NCALD: variants seen among roughly 807,000 people sequenced by gnomAD.
NCALD encodes the protein neurocalcin-delta.
NCALD carries 10 observed loss-of-function variants against 18.6 expected under a neutral mutation model. The observed-to-expected ratio is 0.54, with a 90% CI of 0.33 to 0.91. The LOEUF (loss-of-function observed/expected upper bound fraction) is 0.91, where lower values mean the gene tolerates loss of function less well. Among genes scored for constraint, NCALD ranks in the 40% least tolerant of loss-of-function variants. The pLI is 0.03. For synonymous variants in NCALD, 88 were observed against 87.4 expected (o/e 1.01, Z -0.04); for missense variants, 184 against 247.6 (o/e 0.74, Z 1.72).
chr8:101,943,746 C>A (rs1373888383), intron 2 of NCALD, among the ~76,000 whole-genome samples: 1 of 152,024 alleles, frequency 6.6e-6, no homozygotes, highest in Non-Finnish European at 1.5e-5. Context: ...CGAGACCATC[C>A]TGGCTAACAT....
intron 1 of NCALD, among the ~76,000 whole-genome samples, chr8:101,741,879 G>A (rs1421433676): frequency 7.2e-6 from 1 of 138,096 alleles, no homozygotes; most frequent in Non-Finnish European, 1.5e-5. Context: ...CAAGGCTGCA[G>A]CAAGCCATGA....
intron 1 of NCALD, chr8:101,721,486 G>C (rs542136612): frequency 1.3e-5 from 2 of 152,178 alleles, no homozygotes; most frequent in African/African-American, 4.8e-5. Context: ...CCAGAAGCAC[G>C]GGGGCTTGGT....
At chr8:101,797,309 C>T (rs1038298789) in intron 4 of NCALD, among the ~76,000 whole-genome samples, 1 of 152,086 alleles carries the variant, frequency 6.6e-6, no homozygotes, top group African/African-American at 2.4e-5. Flanking sequence ...AAAATCACAC[C>T]TAGAAACCTC....
intron 1 of NCALD, among the ~76,000 whole-genome samples, chr8:101,762,633 G>A (rs184099911): frequency 5.6e-4 from 84 of 151,014 alleles, no homozygotes; most frequent in Middle Eastern, 3.4e-3. Flanking sequence ...GGAGTACAGC[G>A]GTGTGATATC....
intron 2 of NCALD, among the ~76,000 whole-genome samples, chr8:101,955,386 G>A (rs897794039): frequency 1.3e-5 from 2 of 152,136 alleles, no homozygotes; most frequent in Non-Finnish European, 1.5e-5. Flanking sequence ...CTATCTTGGA[G>A]CCTAGAACAA....
intron 3 of NCALD, chr8:101,691,840 G>C: frequency 4.1e-6 from 4 of 985,394 alleles, no homozygotes; most frequent in South Asian, 9.4e-5. Flanking sequence ...CCAGGTGGGG[G>C]ACCCAAGTGC....
At chr8:102,106,243 T>G (rs1326219984) in intron 1 of NCALD, among the ~76,000 whole-genome samples, 2 of 150,800 alleles carry the variant, frequency 1.3e-5, no homozygotes, top group Non-Finnish European at 3.0e-5. Flanking sequence ...CTAATTTTTT[T>G]GGTATTTTTA....
intron 1 of NCALD, among the ~76,000 whole-genome samples, chr8:102,121,723 T>C (rs991259692): frequency 2.0e-5 from 3 of 152,208 alleles, no homozygotes; most frequent in East Asian, 1.9e-4. Flanking sequence ...CATTTCTTCA[T>C]TGTTAGTCTG....
At chr8:102,087,057 A>T (rs1455253374) in intron 1 of NCALD, among the ~76,000 whole-genome samples, 3 of 152,198 alleles carry the variant, frequency 2.0e-5, no homozygotes, top group Non-Finnish European at 4.4e-5. Flanking sequence ...AACCATAAAA[A>T]TGGGCAACCA....
chr8:102,044,108 A>T lies in NCALD; in HGVS notation c.-209-23819T>A, dbSNP rs1192861243. Among the ~76,000 whole-genome samples, 3 of 152,104 alleles carry T rather than the reference A, an allele frequency of 2.0e-5. No homozygotes were observed. The East Asian group carries it at 5.8e-4, about 29-fold the overall frequency. ...GCCAGTGATGACCTTCATTTTAAGC[A>T]GAATATGTTAAAACAACACTTGAAA... is the stretch of plus-strand genomic sequence containing the variant. On this transcript the variant is annotated intron_variant, in intron 1 of 6. Transcript: ENST00000311028.
chr8:102,022,951 C>T (rs962466266), intron 1 of NCALD, among the ~76,000 whole-genome samples: 3 of 152,124 alleles, frequency 2.0e-5, no homozygotes, highest in African/African-American at 7.2e-5. Context: ...CTTGACTGGG[C>T]CAGTGCTCCA....
intron 4 of NCALD, among the ~76,000 whole-genome samples, chr8:101,836,851 G>A (rs1050378442): frequency 1.6e-4 from 25 of 152,186 alleles, no homozygotes; most frequent in African/African-American, 5.8e-4. Flanking sequence ...AAGTTTTTAT[G>A]TTAGTCTCAT....
chr8:102,021,419 A>T (rs753690515), intron 1 of NCALD, among the ~76,000 whole-genome samples: 74 of 152,244 alleles, frequency 4.9e-4, no homozygotes, highest in Non-Finnish European at 4.0e-4. Flanking sequence ...ATACAATGCT[A>T]AGACTTAAAA....
At chr8:102,106,105 T>C (rs1256157660) in intron 1 of NCALD, among the ~76,000 whole-genome samples, 7 of 151,468 alleles carry the variant, frequency 4.6e-5, no homozygotes, top group Admixed American at 4.6e-4. Flanking sequence ...AGTTTCACGC[T>C]GTCAACCAGG....
At chr8:101,840,130 C>T (rs76563520) in intron 4 of NCALD, among the ~76,000 whole-genome samples, 3,168 of 146,672 alleles carry the variant, frequency 0.022, 86 homozygotes, top group African/African-American at 0.072. Flanking sequence ...AAAAAAAAAA[C>T]ACAGCTGAAG....
chr8:101,779,760 C>T (rs1450792417), intron 1 of NCALD, among the ~76,000 whole-genome samples: 3 of 152,094 alleles, frequency 2.0e-5, no homozygotes, highest in African/African-American at 7.2e-5. Flanking sequence ...TGATTATCTG[C>T]AGTCTTTTCT....
intron 2 of NCALD, among the ~76,000 whole-genome samples, chr8:101,917,391 T>C (rs1014281930): frequency 1.3e-5 from 2 of 151,876 alleles, no homozygotes; most frequent in African/African-American, 4.8e-5. Context: ...TTTAAAAAGA[T>C]CTCAAATTAG....
chr8:101,934,851 G>A (rs1191638299), intron 2 of NCALD, among the ~76,000 whole-genome samples: 1 of 152,116 alleles, frequency 6.6e-6, no homozygotes, highest in Admixed American at 6.5e-5. Flanking sequence ...AAAAAGAAGA[G>A]ATAAGATTTA....
At chr8:102,011,626 A>T (rs966743653) in intron 2 of NCALD, among the ~76,000 whole-genome samples, 6 of 152,210 alleles carry the variant, frequency 3.9e-5, no homozygotes, top group Admixed American at 3.9e-4. Context: ...GTTTATGTGT[A>T]AATAAACACA....
Sources: allele counts gnomAD v4.1 joint callset (sites outside exome capture counted in the v4.1 genomes callset), GRCh38; gene constraint gnomAD v4.1.1; transcripts MANE v1.5; gene names NCBI Gene and HGNC (gene_info 2026-07-23, HGNC 2026-07-21).